Variants in RFTN2 observed in about 807,000 individuals in gnomAD.
RFTN2 encodes the protein raftlin-2.
In RFTN2, 34 loss-of-function variants were observed where a neutral mutation model predicts 52.7. The ratio of observed to expected loss-of-function variants is 0.64; its 90% CI spans 0.49 to 0.86. RFTN2 has a LOEUF of 0.86. Ranked by LOEUF, RFTN2 falls within the 40% of genes least tolerant of loss-of-function variation. RFTN2 has a pLI of 0.00. For missense variants in RFTN2, 536 were observed against 600.1 expected (o/e 0.89, Z 1.12); for synonymous variants, 203 against 217.7 (o/e 0.93, Z 0.59).
At chr2:197,662,844 G>C (rs1210585185) in intron 1 of RFTN2, among the ~76,000 whole-genome samples, 1 of 151,886 alleles carries the variant, frequency 6.6e-6, no homozygotes, top group African/African-American at 2.4e-5. Context: ...GCCCAGGCTG[G>C]TCTCAAACTC....
chr2:197,598,187 G>C (rs1171230264), intron 7 of RFTN2, among the ~76,000 whole-genome samples: 1 of 152,118 alleles, frequency 6.6e-6, no homozygotes, highest in African/African-American at 2.4e-5. Context: ...AAGTGTGGTG[G>C]TACATGCCTG....
At chr2:197,600,879 A>G (rs1466624575) in intron 7 of RFTN2, among the ~76,000 whole-genome samples, 1 of 152,222 alleles carries the variant, frequency 6.6e-6, no homozygotes, top group Non-Finnish European at 1.5e-5. Context: ...CAACTTTGGA[A>G]AATATGCTTG....
intron 5 of RFTN2, among the ~76,000 whole-genome samples, chr2:197,628,644 T>G (rs933073898): frequency 2.6e-5 from 4 of 152,020 alleles, no homozygotes; most frequent in African/African-American, 4.8e-5. Flanking sequence ...GAGAGAGAGA[T>G]ATTATGAAGC....
intron 1 of RFTN2, among the ~76,000 whole-genome samples, chr2:197,665,622 C>T (rs1167094934): frequency 6.8e-6 from 1 of 148,138 alleles, no homozygotes; most frequent in Non-Finnish European, 1.5e-5. Flanking sequence ...CATGGAATAT[C>T]ATTTTCTACC....
intron 8 of RFTN2, among the ~76,000 whole-genome samples, chr2:197,586,841 G>A (rs1438751961): frequency 6.6e-6 from 1 of 152,168 alleles, no homozygotes; most frequent in African/African-American, 2.4e-5. Context: ...ACTCACTGCT[G>A]AAACATGAGG....
chr2:197,658,649 A>G (rs2088929076), intron 1 of RFTN2, among the ~76,000 whole-genome samples: 1 of 152,100 alleles, frequency 6.6e-6, no homozygotes, highest in African/African-American at 2.4e-5. Flanking sequence ...TAGAATTTGA[A>G]CAGCACAGGT....
intron 1 of RFTN2, among the ~76,000 whole-genome samples, chr2:197,651,691 G>A (rs2088830170): frequency 1.3e-5 from 2 of 152,072 alleles, no homozygotes; most frequent in African/African-American, 2.4e-5. Flanking sequence ...CTTTTCTTCT[G>A]TTTTCTTCTA....
intron 8 of RFTN2, among the ~76,000 whole-genome samples, chr2:197,574,452 C>A (rs1024132214): frequency 6.6e-6 from 1 of 152,172 alleles, no homozygotes; most frequent in African/African-American, 2.4e-5. Flanking sequence ...AATGCCTGTA[C>A]CCCCATTGTA....
intron 8 of RFTN2, 22 bp from the exon 9 acceptor site, chr2:197,572,302 A>G: frequency 6.2e-7 from 1 of 1,608,770 alleles, no homozygotes; most frequent in Non-Finnish European, 8.5e-7. Context: ...GACATTGGTG[A>G]CCAGGAGAGT....
intron 3 of RFTN2, among the ~76,000 whole-genome samples, chr2:197,643,748 A>G (rs1377761255): frequency 6.6e-6 from 1 of 152,086 alleles, no homozygotes; most frequent in Admixed American, 6.6e-5. Flanking sequence ...AAACTCCTTA[A>G]TCTATTCATT....
chr2:197,633,786 T>C lies in RFTN2; in HGVS notation c.650A>G (p.His217Arg), dbSNP rs2088505823. ...SESGIEEELH[H>R]ESGQYQMEQN... The stretch of plus-strand genomic sequence containing the variant: ...TTCCATTTGATACTGTCCACTTTCA[T>C]GATGAAGTTCTTCCTCAATTCCGCT... The change falls in exon 4 of 9, where the codon CAT becomes CGT. Residue 217 changes from histidine (H) to arginine (R), a missense_variant. By Grantham distance (29) the His-to-Arg change is conservative. Coordinates refer to ENST00000295049, the MANE Select transcript of RFTN2 (RefSeq NM_144629.3). 1.2e-6 allele frequency: 2 copies of C among 1,613,780 alleles called. No individual in the cohort carries two copies. The highest frequency in any genetic ancestry group is 1.1e-5 in the South Asian group (1 of 91,082).
intron 1 of RFTN2, among the ~76,000 whole-genome samples, chr2:197,648,974 C>T (rs2088789678): frequency 6.6e-6 from 1 of 152,178 alleles, no homozygotes; most frequent in South Asian, 2.1e-4. Flanking sequence ...GGAAAGGAAC[C>T]TACTGTATTC....
chr2:197,667,690 T>C (rs2089081221), intron 1 of RFTN2, among the ~76,000 whole-genome samples: 1 of 152,172 alleles, frequency 6.6e-6, no homozygotes, highest in South Asian at 2.1e-4. Flanking sequence ...GTATGACTTA[T>C]TTGGCTGTAA....
At chr2:197,582,115 A>G (rs1167163205) in intron 8 of RFTN2, among the ~76,000 whole-genome samples, 1 of 152,234 alleles carries the variant, frequency 6.6e-6, no homozygotes, top group Non-Finnish European at 1.5e-5. Flanking sequence ...TAGGCTGGCC[A>G]TCATGTTTCT....
chr2:197,673,639 A>C (rs2089176277), intron 1 of RFTN2, among the ~76,000 whole-genome samples: 1 of 152,200 alleles, frequency 6.6e-6, no homozygotes, highest in Non-Finnish European at 1.5e-5. Context: ...CTAGAGTGGA[A>C]GGTAGAAATT....
At chr2:197,612,601 A>G (rs959048007) in intron 7 of RFTN2, among the ~76,000 whole-genome samples, 10 of 152,242 alleles carry the variant, frequency 6.6e-5, no homozygotes, top group African/African-American at 2.4e-4. Context: ...GGTATTATTA[A>G]TAGTGATAAC....
intron 8 of RFTN2, among the ~76,000 whole-genome samples, chr2:197,590,730 A>C (rs1442438045): frequency 6.6e-6 from 1 of 150,650 alleles, no homozygotes; most frequent in Non-Finnish European, 1.5e-5. Context: ...GAACCCGCAG[A>C]CCTCCACGGT....
intron 8 of RFTN2, among the ~76,000 whole-genome samples, chr2:197,592,029 CTCCT>C (rs2087724329): frequency 6.6e-6 from 1 of 152,150 alleles, no homozygotes; most frequent in Admixed American, 6.5e-5. Flanking sequence ...GGCTGAAGGG[CTCCT>C]CAAGTGTGGC....
intron 1 of RFTN2, among the ~76,000 whole-genome samples, chr2:197,672,123 A>T (rs1179547241): frequency 6.6e-6 from 1 of 152,238 alleles, no homozygotes; most frequent in Admixed American, 6.5e-5. Flanking sequence ...AATCATTACT[A>T]TACAATAATC....
Sources: allele counts gnomAD v4.1 joint callset (sites outside exome capture counted in the v4.1 genomes callset), GRCh38; gene constraint gnomAD v4.1.1; transcripts MANE v1.5; gene names NCBI Gene and HGNC (gene_info 2026-07-23, HGNC 2026-07-21).